The following NYAP2 variants were observed in gnomAD, a reference collection of about 807,000 sequenced individuals.
NYAP2 encodes the protein neuronal tyrosine-phosphorylated phosphoinositide-3-kinase adapter 2.
A neutral mutation model predicts 50.4 loss-of-function variants in NYAP2; 23 were observed. The observed-to-expected ratio is 0.46, with a 90% confidence interval of 0.33 to 0.65. NYAP2 has a LOEUF of 0.65. Among genes scored for constraint, NYAP2 ranks in the 30% least tolerant of loss-of-function variants. The probability of loss-of-function intolerance (pLI) is 0.02; values close to 1 mark genes in which losing one functional copy is unlikely to be tolerated. For missense variants in NYAP2, 885 were observed against 861.0 expected (o/e 1.03, Z -0.35); for synonymous variants, 394 against 365.2 (o/e 1.08, Z -0.90).
At chr2:225,674,698 A>G in the NYAP2 span, among the ~76,000 whole-genome samples, 2 of 152,078 alleles carry the variant, frequency 1.3e-5, no homozygotes, top group South Asian at 4.1e-4. Context: ...ATTTGTCAAA[A>G]GTGGAATATA....
chr2:225,518,711 C>A (rs1690987898), intron 4 of NYAP2, among the ~76,000 whole-genome samples: 1 of 147,988 alleles, frequency 6.8e-6, no homozygotes, highest in South Asian at 2.1e-4. Flanking sequence ...CAAATATACA[C>A]AATTTTTGCC....
the NYAP2 span, among the ~76,000 whole-genome samples, chr2:225,663,700 G>A: frequency 2.0e-5 from 3 of 152,118 alleles, no homozygotes; most frequent in Admixed American, 2.0e-4. Context: ...TGGGATTACA[G>A]GTGCACACCA....
chr2:225,655,502 G>T (rs368736151), downstream of NYAP2, among the ~76,000 whole-genome samples: 1 of 152,136 alleles, frequency 6.6e-6, no homozygotes, highest in South Asian at 2.1e-4. Flanking sequence ...AACTGCACAG[G>T]AGTCATGTAT....
At chr2:225,583,012 G>T in exon 5 of NYAP2, 1 of 1,611,596 alleles carries the variant, frequency 6.2e-7, no homozygotes. Context: ...TCCAGTGGCC[G>T]GCGCTCCAAA....
chr2:225,669,844 A>C, the NYAP2 span, among the ~76,000 whole-genome samples: 1 of 152,196 alleles, frequency 6.6e-6, no homozygotes, highest in African/African-American at 2.4e-5. Flanking sequence ...ATGATGTGCA[A>C]AGGGCAAGAA....
chr2:225,537,047 G>A (rs1175655410), intron 4 of NYAP2, among the ~76,000 whole-genome samples: 1 of 151,994 alleles, frequency 6.6e-6, no homozygotes, highest in East Asian at 1.9e-4. Context: ...CAAAGTGCTG[G>A]GATTACAGGC....
At chr2:225,684,519 T>G in the NYAP2 span, among the ~76,000 whole-genome samples, 1 of 151,974 alleles carries the variant, frequency 6.6e-6, no homozygotes, top group Non-Finnish European at 1.5e-5. Context: ...TCCTGATTTG[T>G]TTTTTCCACC....
At chr2:225,421,356 A>G (rs1695211842) in intron 3 of NYAP2, among the ~76,000 whole-genome samples, 1 of 152,238 alleles carries the variant, frequency 6.6e-6, no homozygotes, top group South Asian at 2.1e-4. Flanking sequence ...TCATTTGTCA[A>G]GCAAATTTTT....
intron 3 of NYAP2, among the ~76,000 whole-genome samples, chr2:225,413,069 A>C (rs1695072990): frequency 6.6e-6 from 1 of 152,196 alleles, no homozygotes; most frequent in South Asian, 2.1e-4. Flanking sequence ...GTGTCTTACT[A>C]TCTAAAACCT....
At chr2:225,490,177 C>T (rs912550577) in intron 3 of NYAP2, among the ~76,000 whole-genome samples, 2 of 152,142 alleles carry the variant, frequency 1.3e-5, no homozygotes, top group African/African-American at 4.8e-5. Flanking sequence ...TTTGTCAGAG[C>T]ACTTTGGAAA....
chr2:225,663,201 T>G, the NYAP2 span, among the ~76,000 whole-genome samples: 1 of 152,094 alleles, frequency 6.6e-6, no homozygotes, highest in South Asian at 2.1e-4. Context: ...CCAGCATCTT[T>G]ATGATTTGTG....
At chr2:225,452,073 G>A (rs1192827966) in intron 3 of NYAP2, among the ~76,000 whole-genome samples, 1 of 152,104 alleles carries the variant, frequency 6.6e-6, no homozygotes, top group African/African-American at 2.4e-5. Flanking sequence ...CCAATTACCA[G>A]GAAGAATTGT....
intron 5 of NYAP2, among the ~76,000 whole-genome samples, chr2:225,617,261 T>A (rs561939566): frequency 6.6e-6 from 1 of 152,144 alleles, no homozygotes; most frequent in South Asian, 2.1e-4. Context: ...ACCCCATCTC[T>A]ACTAAAAAAA....
intron 3 of NYAP2, among the ~76,000 whole-genome samples, chr2:225,503,134 A>G (rs1194219123): frequency 6.6e-6 from 1 of 152,134 alleles, no homozygotes; most frequent in Admixed American, 6.5e-5. Context: ...GGTTAGCTAA[A>G]CTCATTTCTA....
chr2:225,460,320 A>G (rs190044533), intron 3 of NYAP2, among the ~76,000 whole-genome samples: 21 of 152,262 alleles, frequency 1.4e-4, no homozygotes, highest in Non-Finnish European at 2.2e-4. Flanking sequence ...ATGGTAGATT[A>G]TTTTTACTGA....
At chr2:225,632,755 C>A (rs1196714511) in intron 6 of NYAP2, among the ~76,000 whole-genome samples, 2 of 151,968 alleles carry the variant, frequency 1.3e-5, no homozygotes, top group Non-Finnish European at 2.9e-5. Flanking sequence ...ACCACTGAAC[C>A]CATTAACAAA....
At chr2:225,464,258 C>T (rs147058506) in intron 3 of NYAP2, among the ~76,000 whole-genome samples, 1 of 152,280 alleles carries the variant, frequency 6.6e-6, no homozygotes, top group East Asian at 1.9e-4. Context: ...ATCAAGACTG[C>T]ATTGCAGCTG....
intron 3 of NYAP2, among the ~76,000 whole-genome samples, chr2:225,476,612 CT>C (rs1307355620): frequency 1.3e-5 from 2 of 152,022 alleles, no homozygotes; most frequent in East Asian, 3.9e-4. Context: ...TATCACTTTC[CT>C]AAATCCAGAC....
At chr2:225,440,833 T>C (rs1689458124) in intron 3 of NYAP2, among the ~76,000 whole-genome samples, 1 of 152,170 alleles carries the variant, frequency 6.6e-6, no homozygotes, top group Non-Finnish European at 1.5e-5. Context: ...GCCTAGAATT[T>C]TGAGAACCTG....
Sources: gnomAD v4.1 joint callset for allele counts (sites outside exome capture counted in the v4.1 genomes callset) on GRCh38, gnomAD v4.1.1 for gene constraint, MANE v1.5 for transcripts, NCBI Gene and HGNC (gene_info 2026-07-23, HGNC 2026-07-21) for gene names.